The following TRIM44 variants were observed in gnomAD, a reference collection of about 807,000 sequenced individuals.
The protein encoded by TRIM44 is tripartite motif containing 44.
Under a neutral mutation model 37.4 loss-of-function variants are expected in TRIM44, and 13 were observed. The observed-to-expected ratio is 0.35, with a 90% CI of 0.23 to 0.55. The LOEUF (loss-of-function observed/expected upper bound fraction) is 0.55. Among genes scored for constraint, TRIM44 ranks in the 20% least tolerant of loss-of-function variants. The pLI, the probability that TRIM44 is intolerant of heterozygous loss-of-function variation, is 0.89. For missense variants in TRIM44, 426 were observed against 437.2 expected (o/e 0.97, Z 0.23); for synonymous variants, 175 against 157.2 (o/e 1.11, Z -0.85).
At chr11:35,696,333 G>A (rs1199739512) in intron 2 of TRIM44, among the ~76,000 whole-genome samples, 3 of 151,004 alleles carry the variant, frequency 2.0e-5, no homozygotes, top group African/African-American at 7.3e-5. Context: ...TAGTACAGAC[G>A]GGGTTTCACC....
At chr11:35,692,902 G>A (rs1463265545) in intron 2 of TRIM44, among the ~76,000 whole-genome samples, 1 of 150,554 alleles carries the variant, frequency 6.6e-6, no homozygotes, top group African/African-American at 2.4e-5. Context: ...CAGCCTGGGC[G>A]ACAGAGCAAG....
At chr11:35,703,577 G>A (rs1379456621) in intron 2 of TRIM44, among the ~76,000 whole-genome samples, 6 of 152,150 alleles carry the variant, frequency 3.9e-5, no homozygotes, top group African/African-American at 7.2e-5. Flanking sequence ...CCAGAGGAAC[G>A]ATCAGACGGC....
At chr11:35,684,634 A>T (rs139647557) in intron 1 of TRIM44, among the ~76,000 whole-genome samples, 36 of 152,302 alleles carry the variant, frequency 2.4e-4, no homozygotes, top group African/African-American at 8.7e-4. Flanking sequence ...TTAATGGCAA[A>T]TCCAAAATTG....
chr11:35,804,811 G>C (rs532291214), intron 4 of TRIM44, among the ~76,000 whole-genome samples: 1 of 152,296 alleles, frequency 6.6e-6, no homozygotes, highest in South Asian at 2.1e-4. Flanking sequence ...GTTTGGAATG[G>C]TGAAGATTAT....
chr11:35,750,524 T>C (rs1395451866), intron 4 of TRIM44, among the ~76,000 whole-genome samples: 1 of 152,162 alleles, frequency 6.6e-6, no homozygotes, highest in African/African-American at 2.4e-5. Flanking sequence ...AATAAAGACT[T>C]TGAGCAGCCT....
chr11:35,731,491 G>A (rs1852259066), intron 3 of TRIM44, among the ~76,000 whole-genome samples: 1 of 152,026 alleles, frequency 6.6e-6, no homozygotes. Flanking sequence ...CAGGAGTTTT[G>A]TGTCTTTGTT....
chr11:35,684,373 T>A (rs1255164526), intron 1 of TRIM44, among the ~76,000 whole-genome samples: 1 of 152,246 alleles, frequency 6.6e-6, no homozygotes. Flanking sequence ...GTTATAAAAT[T>A]ATATACATAC....
intron 4 of TRIM44, among the ~76,000 whole-genome samples, chr11:35,798,922 TA>T (rs1853329563): frequency 6.6e-6 from 1 of 152,188 alleles, no homozygotes. Flanking sequence ...GGTGGTAACA[TA>T]ATGGAATTTT....
At chr11:35,718,063 C>G (rs991833091) in intron 2 of TRIM44, among the ~76,000 whole-genome samples, 4 of 152,106 alleles carry the variant, frequency 2.6e-5, no homozygotes, top group African/African-American at 9.7e-5. Context: ...ATAGAATAAT[C>G]TTGTCTTTTG....
chr11:35,724,866 C>A (rs1419309456), intron 2 of TRIM44, among the ~76,000 whole-genome samples: 2 of 152,130 alleles, frequency 1.3e-5, no homozygotes, highest in Non-Finnish European at 2.9e-5. Flanking sequence ...TCAGAAGGCA[C>A]CTTGGCAGTA....
At chr11:35,679,617 C>T (rs1298874859) in intron 1 of TRIM44, among the ~76,000 whole-genome samples, 1 of 152,210 alleles carries the variant, frequency 6.6e-6, no homozygotes, top group Non-Finnish European at 1.5e-5. Flanking sequence ...TACTCAGCTT[C>T]AGCCAATTTC....
At chr11:35,787,357 T>C (rs1372538411) in intron 4 of TRIM44, among the ~76,000 whole-genome samples, 3 of 152,132 alleles carry the variant, frequency 2.0e-5, no homozygotes, top group African/African-American at 4.8e-5. Context: ...AACAGGATGA[T>C]AGAGCAGCTA....
chr11:35,700,631 T>A (rs575459621), intron 2 of TRIM44, among the ~76,000 whole-genome samples: 510 of 152,296 alleles, frequency 3.3e-3, no homozygotes, highest in Admixed American at 5.3e-3. Flanking sequence ...ATCCTAAACA[T>A]CCCTCTCTTT....
intron 1 of TRIM44, among the ~76,000 whole-genome samples, chr11:35,667,462 T>C (rs1057384528): frequency 7.2e-5 from 11 of 152,326 alleles, no homozygotes; most frequent in Middle Eastern, 3.4e-3. Flanking sequence ...CTCAAATTCC[T>C]GGGCTTAAGC....
chr11:35,733,350 A>T (rs1337210669), intron 3 of TRIM44, among the ~76,000 whole-genome samples: 2 of 152,212 alleles, frequency 1.3e-5, no homozygotes, highest in Non-Finnish European at 2.9e-5. Flanking sequence ...TATTTTTTCC[A>T]TAAAGTTATC....
chr11:35,799,873 C>T (rs1054389512), intron 4 of TRIM44, among the ~76,000 whole-genome samples: 1 of 152,098 alleles, frequency 6.6e-6, no homozygotes, highest in Non-Finnish European at 1.5e-5. Context: ...AGAGAAGAGC[C>T]CTTCTCCTTG....
At chr11:35,757,779 G>A (rs1447273172) in intron 4 of TRIM44, among the ~76,000 whole-genome samples, 1 of 152,170 alleles carries the variant, frequency 6.6e-6, no homozygotes, top group African/African-American at 2.4e-5. Context: ...TCAGGAGCAG[G>A]TTGTTCAGTT....
chr11:35,778,812 C>A (rs1258185828), intron 4 of TRIM44, among the ~76,000 whole-genome samples: 1 of 152,202 alleles, frequency 6.6e-6, no homozygotes, highest in African/African-American at 2.4e-5. Context: ...TTGGAAGCTT[C>A]ATCTCAGAGG....
intron 2 of TRIM44, among the ~76,000 whole-genome samples, chr11:35,690,661 A>G (rs1352361626): frequency 6.6e-6 from 1 of 152,228 alleles, no homozygotes; most frequent in Non-Finnish European, 1.5e-5. Context: ...TGGACTTTTC[A>G]TTTAAAAAGT....
Sources: allele counts gnomAD v4.1 joint callset (sites outside exome capture counted in the v4.1 genomes callset), GRCh38; gene constraint gnomAD v4.1.1; transcripts MANE v1.5; gene names NCBI Gene and HGNC (gene_info 2026-07-23, HGNC 2026-07-21).